Variants in SNTG1 observed in about 807,000 individuals in gnomAD.
SNTG1 encodes the protein syntrophin gamma 1.
Under a neutral mutation model 74.7 loss-of-function variants are expected in SNTG1, and 39 were observed. That is an observed-to-expected ratio of 0.52 (90% CI 0.40 to 0.68). The LOEUF (loss-of-function observed/expected upper bound fraction) is 0.68, where lower values mean the gene tolerates loss of function less well. Among genes scored for constraint, SNTG1 ranks in the 30% least tolerant of loss-of-function variants. The pLI is 0.00. For synonymous variants in SNTG1, 254 were observed against 217.1 expected (o/e 1.17, Z -1.49); for missense variants, 685 against 609.5 (o/e 1.12, Z -1.30).
At chr8:50,285,362 T>G (rs1237175191) in intron 2 of SNTG1, among the ~76,000 whole-genome samples, 1 of 152,138 alleles carries the variant, frequency 6.6e-6, no homozygotes, top group Non-Finnish European at 1.5e-5. Context: ...TATGGTGTTT[T>G]GTTTTGTGTG....
chr8:50,557,185 T>A (rs575799669), intron 12 of SNTG1, among the ~76,000 whole-genome samples: 1 of 125,332 alleles, frequency 8.0e-6, no homozygotes, highest in East Asian at 2.3e-4. Flanking sequence ...AGGCGGGTGG[T>A]GGCAGGGGTA....
rs1015922030 is a variant in SNTG1, at chr8:50,534,731, G to A, written c.550-1947G>A. ...AGGGGCGGAGGTTTCAGTGAGCTAA[G>A]ATCACACCATGCACTTCTAAGTGAT... On this transcript the variant is annotated intron_variant, in intron 10 of 18. Coordinates refer to ENST00000642720, the MANE Select transcript of SNTG1 (RefSeq NM_018967.5). 1.2e-4 allele frequency among the ~76,000 whole-genome samples: 19 copies of A among 152,222 alleles called. No individual in the cohort carries two copies. In the South Asian group the frequency reaches 3.9e-3, roughly 32 times the overall value.
At chr8:50,426,970 A>G (rs953919377) in intron 4 of SNTG1, among the ~76,000 whole-genome samples, 1 of 152,192 alleles carries the variant, frequency 6.6e-6, no homozygotes, top group Non-Finnish European at 1.5e-5. Flanking sequence ...GATGAGTTAA[A>G]GTATACCTGG....
chr8:50,273,898 T>C (rs747327178), intron 2 of SNTG1, among the ~76,000 whole-genome samples: 4 of 152,294 alleles, frequency 2.6e-5, no homozygotes, highest in Middle Eastern at 3.4e-3. Flanking sequence ...GACTTAGGAA[T>C]CATCTTATTT....
At chr8:50,401,941 G>A (rs1272958377) in intron 3 of SNTG1, among the ~76,000 whole-genome samples, 1 of 152,046 alleles carries the variant, frequency 6.6e-6, no homozygotes, top group Non-Finnish European at 1.5e-5. Context: ...TTTTAAAAAT[G>A]TAGTACATGT....
intron 1 of SNTG1, among the ~76,000 whole-genome samples, chr8:50,111,264 C>A (rs2131302474): frequency 6.6e-6 from 1 of 152,248 alleles, no homozygotes; most frequent in African/African-American, 2.4e-5. Flanking sequence ...TGTTGAAGCT[C>A]TACCCCCCCA....
chr8:50,000,041 T>C (rs977442062), intron 1 of SNTG1, among the ~76,000 whole-genome samples: 6 of 152,152 alleles, frequency 3.9e-5, no homozygotes, highest in Non-Finnish European at 7.3e-5. Flanking sequence ...AATAAATCAT[T>C]AGTTTGGTAA....
intron 2 of SNTG1, chr8:50,382,322 T>A (rs757692648): frequency 1.3e-5 from 2 of 152,146 alleles, no homozygotes; most frequent in Non-Finnish European, 2.9e-5. Flanking sequence ...ATATCTAGTA[T>A]ATATTATATT....
intron 1 of SNTG1, among the ~76,000 whole-genome samples, chr8:49,999,653 T>C (rs993085304): frequency 6.6e-6 from 1 of 152,164 alleles, no homozygotes; most frequent in Non-Finnish European, 1.5e-5. Context: ...CCCCAATGTC[T>C]GCATGGCTCT....
intron 5 of SNTG1, 47 bp downstream of exon 5, chr8:50,438,646 G>A (rs1222727878): frequency 6.0e-6 from 9 of 1,491,118 alleles, no homozygotes; most frequent in Non-Finnish European, 8.4e-6. Context: ...TGCCATAAGA[G>A]CTGAACTTTG....
At chr8:50,650,039 G>C (rs1043235539) in intron 13 of SNTG1, among the ~76,000 whole-genome samples, 2 of 150,992 alleles carry the variant, frequency 1.3e-5, no homozygotes, top group African/African-American at 2.4e-5. Context: ...GATTGTTAGT[G>C]GTGGTAGTGT....
Position 50,192,049 on chromosome 8 carries a change from A to G in SNTG1, c.-28+19414A>G, listed in dbSNP as rs117634273. ...CGTGTTTACTGGACTTCATGGAGTC[A>G]GAGAAGCCACAGAGAAGGCTTCCGT... is the stretch of plus-strand genomic sequence containing the variant. On this transcript the variant is annotated intron_variant, in intron 2 of 18. Transcript: ENST00000642720. Among the ~76,000 whole-genome samples the G allele has an allele frequency of 1.4e-3, 214 of 152,280 alleles. 5 individuals carry two copies. The East Asian group carries it at 0.028, about 20-fold the overall frequency.
At chr8:50,634,059 A>G (rs1417016333) in intron 13 of SNTG1, among the ~76,000 whole-genome samples, 2 of 152,194 alleles carry the variant, frequency 1.3e-5, no homozygotes, top group Non-Finnish European at 2.9e-5. Context: ...GCTGAAGCCT[A>G]GCAGTGTCCA....
Position 50,253,900 on chromosome 8 carries a change from G to C in SNTG1, c.-28+81265G>C, listed in dbSNP as rs541688236. On this transcript the variant is annotated intron_variant, in intron 2 of 18. Coordinates refer to ENST00000642720, the MANE Select transcript of SNTG1 (RefSeq NM_018967.5). ...ATAGAAGCAGGGAGTAAAGCGAGGG[G>C]AGTAGGGAGGGAAAGATGGAGAGAG... Among the ~76,000 whole-genome samples the C allele has an allele frequency of 2.0e-5, 3 of 152,066 alleles. No individual in the cohort carries two copies. In the South Asian group the frequency reaches 6.2e-4, roughly 31 times the overall value.
At chr8:49,994,690 A>T (rs1237583400) in intron 1 of SNTG1, among the ~76,000 whole-genome samples, 1 of 151,308 alleles carries the variant, frequency 6.6e-6, no homozygotes, top group African/African-American at 2.5e-5. Context: ...CCTCACTTTG[A>T]CTATAGCTAC....
At chr8:50,347,211 A>G (rs1172494325) in intron 2 of SNTG1, among the ~76,000 whole-genome samples, 1 of 152,196 alleles carries the variant, frequency 6.6e-6, no homozygotes, top group Non-Finnish European at 1.5e-5. Flanking sequence ...GACTTCAGTT[A>G]AAACCAATGC....
At chr8:50,013,426 C>A (rs1443803023) in intron 1 of SNTG1, among the ~76,000 whole-genome samples, 3 of 151,722 alleles carry the variant, frequency 2.0e-5, no homozygotes, top group Non-Finnish European at 2.9e-5. Context: ...GTAAAACTTT[C>A]TTTTCATTAA....
intron 1 of SNTG1, among the ~76,000 whole-genome samples, chr8:50,157,389 A>T (rs1382602143): frequency 1.3e-5 from 2 of 152,072 alleles, no homozygotes; most frequent in Non-Finnish European, 2.9e-5. Context: ...ATATATGAGT[A>T]TTTTATTTTG....
intron 4 of SNTG1, among the ~76,000 whole-genome samples, chr8:50,410,397 TA>T (rs973251788): frequency 1.3e-5 from 2 of 152,044 alleles, no homozygotes; most frequent in South Asian, 2.1e-4. Context: ...TTTAAACTTT[TA>T]AAAAAAACTC....
Sources: allele counts gnomAD v4.1 joint callset (sites outside exome capture counted in the v4.1 genomes callset), GRCh38; gene constraint gnomAD v4.1.1; transcripts MANE v1.5; gene names NCBI Gene and HGNC (gene_info 2026-07-23, HGNC 2026-07-21).